ITGB6: variants seen among roughly 807,000 people sequenced by gnomAD.
ITGB6 encodes integrin subunit beta 6, also known as integrin beta-6.
ITGB6 carries 80 observed loss-of-function variants against 84.5 expected under a neutral mutation model. The observed-to-expected ratio is 0.95, with a 90% CI of 0.79 to 1.14. ITGB6 has a LOEUF of 1.14. Among genes scored for constraint, ITGB6 ranks in the 50% most tolerant of loss-of-function variants. The probability of loss-of-function intolerance (pLI) is 0.00; values close to 1 mark genes in which losing one functional copy is unlikely to be tolerated. For synonymous variants in ITGB6, 383 were observed against 354.9 expected (o/e 1.08, Z -0.89); for missense variants, 1,006 against 968.0 (o/e 1.04, Z -0.52).
chr2:160,190,587 T>C (rs542919781), intron 4 of ITGB6, among the ~76,000 whole-genome samples: 1 of 152,334 alleles, frequency 6.6e-6, no homozygotes, highest in South Asian at 2.1e-4. Flanking sequence ...GGTCTTTTTC[T>C]TCCAAATATA....
At chr2:160,115,198 C>A (rs1682711678) in intron 12 of ITGB6, among the ~76,000 whole-genome samples, 1 of 152,242 alleles carries the variant, frequency 6.6e-6, no homozygotes, top group Non-Finnish European at 1.5e-5. Flanking sequence ...AGACTGCCTC[C>A]TCAAGTGGGT....
Position 160,200,014 on chromosome 2 carries a change from T to G in ITGB6, c.50A>C (p.Asp17Ala). ...AACGCAGGTCTTACCTTGTACGTGA[T>G]CATTCCTTCCTAGAAATAGAAAGAA... is the stretch of plus-strand genomic sequence containing the variant. ...CLFFLFLGRN[D>A]HVQGGCALGG... Residue 17 changes from aspartate (D) to alanine (A), a missense_variant, in exon 1 of 15, where the codon GAT becomes GCT. Physicochemically the swap from Asp to Ala is moderately radical, Grantham distance 126 (BLOSUM62 -2). Coordinates refer to ENST00000283249, the MANE Select transcript of ITGB6 (RefSeq NM_000888.5). 4 of 1,613,598 alleles carry G rather than the reference T, an allele frequency of 2.5e-6. No individual in the cohort carries two copies. The highest frequency in any genetic ancestry group is 3.4e-6 in the Non-Finnish European group (4 of 1,179,572).
Position 160,112,081 on chromosome 2 carries a change from T to A in ITGB6, c.2100A>T (p.Lys700Asn). The A allele has an allele frequency of 6.2e-7, 1 of 1,611,020 alleles. No individual in the cohort carries two copies. The highest frequency in any genetic ancestry group is 1.1e-5 in the South Asian group (1 of 90,376). The change falls in exon 13 of 15, where the codon AAA (lysine) becomes AAT (asparagine). Residue 700 changes from lysine (K) to asparagine (N), a missense_variant and splice_region_variant. By Grantham distance (94) the Lys-to-Asn change is moderately conservative. Coordinates refer to ENST00000283249, the MANE Select transcript of ITGB6 (RefSeq NM_000888.5). ...GKTIIHSINEKDCPKPPNIPM... is the reference protein window; with the variant it reads ...GKTIIHSINENDCPKPPNIPM... ...GGCAATGGAAGGCAAAACACCCACC[T>A]TTTTCATTGATGCTGTGAATGATGG...
At chr2:160,117,821 G>A (rs1312985572) in intron 12 of ITGB6, among the ~76,000 whole-genome samples, 1 of 152,224 alleles carries the variant, frequency 6.6e-6, no homozygotes, top group East Asian at 1.9e-4. Flanking sequence ...AATAAAACAT[G>A]ATAAAGGGGC....
intron 7 of ITGB6, among the ~76,000 whole-genome samples, chr2:160,145,736 G>C (rs1239612455): frequency 6.6e-6 from 1 of 152,076 alleles, no homozygotes; most frequent in East Asian, 1.9e-4. Flanking sequence ...ACTGCTGCCT[G>C]GTTAACTGTG....
At chr2:160,184,343 A>G (rs2925752) in intron 4 of ITGB6, among the ~76,000 whole-genome samples, 118,981 of 152,140 alleles carry the variant, frequency 0.78, 46,809 homozygotes, top group South Asian at 0.87. Flanking sequence ...AGTGAATACT[A>G]TAAACACCTC....
rs1329447904 is a variant in ITGB6, at chr2:160,179,444, G to A, written c.594-5305C>T. ...CACTCTGTCGCCCAGGCTGGAATGC[G>A]GTGGTGCCATCTCAGCTCACTGCAA... On this transcript the variant is annotated intron_variant, in intron 4 of 14. Transcript: ENST00000283249. Among the ~76,000 whole-genome samples the A allele has an allele frequency of 9.0e-5, 13 of 143,758 alleles. No individual in the cohort carries two copies. The East Asian group carries it at 1.6e-3, about 18-fold the overall frequency. The allele number at this position is 143,758 out of a possible 152,430, so 94.3% of individuals were successfully genotyped here. A position where few individuals can be genotyped will look rare whatever the true frequency, so the allele number is the denominator to read the frequency against.
chr2:160,197,402 T>C (rs754832612), intron 2 of ITGB6, among the ~76,000 whole-genome samples: 10 of 152,192 alleles, frequency 6.6e-5, no homozygotes, highest in Non-Finnish European at 1.3e-4. Flanking sequence ...GCCGTTCAAA[T>C]TCTGAAACAC....
At chr2:160,145,753 C>A (rs1479654990) in intron 7 of ITGB6, among the ~76,000 whole-genome samples, 1 of 152,138 alleles carries the variant, frequency 6.6e-6, no homozygotes, top group Non-Finnish European at 1.5e-5. Context: ...TGTGGACAGG[C>A]TGTTGGTTGG....
chr2:160,137,721 T>G lies in ITGB6; in HGVS notation c.1373A>C (p.Lys458Thr). The G allele has an allele frequency of 6.2e-7, 1 of 1,614,212 alleles. No individual in the cohort carries two copies. The highest frequency in any genetic ancestry group is 8.5e-7 in the Non-Finnish European group (1 of 1,180,032). The change falls in exon 10 of 15, where the codon AAA becomes ACA. Residue 458 changes from lysine to threonine, a missense_variant. Transcript: ENST00000283249. ...TTTGGAGCTGTTCACTTCCACTTCT[T>G]TCTGACAGTCGCAGTTGCATTCTGG... ...VSPECNCDCQKEVEVNSSKCH... is the reference protein window; with the variant it reads ...VSPECNCDCQTEVEVNSSKCH...
At chr2:160,175,901 T>C (rs1685401607) in intron 4 of ITGB6, among the ~76,000 whole-genome samples, 1 of 152,194 alleles carries the variant, frequency 6.6e-6, no homozygotes, top group Non-Finnish European at 1.5e-5. Flanking sequence ...TTGGGGCAAG[T>C]TTGCAGAACA....
intron 12 of ITGB6, 52 bp downstream of exon 12, chr2:160,123,739 G>C (rs374781324): frequency 7.4e-6 from 10 of 1,351,158 alleles, no homozygotes; most frequent in Middle Eastern, 1.8e-4. Context: ...CAAGAACTAC[G>C]CCTCTCAAGA....
intron 12 of ITGB6, among the ~76,000 whole-genome samples, chr2:160,121,900 T>A (rs960255532): frequency 2.0e-5 from 3 of 151,320 alleles, no homozygotes; most frequent in Admixed American, 6.6e-5. Flanking sequence ...TTTTTTTTTT[T>A]ACTCCTGGGG....
intron 4 of ITGB6, among the ~76,000 whole-genome samples, chr2:160,189,080 C>G (rs1165943133): frequency 6.6e-6 from 1 of 152,040 alleles, no homozygotes; most frequent in Admixed American, 6.6e-5. Context: ...TTTGACAAAC[C>G]TGACAAAAAT....
intron 13 of ITGB6, among the ~76,000 whole-genome samples, chr2:160,108,993 AAAT>A (rs1464623137): frequency 6.6e-6 from 1 of 152,238 alleles, no homozygotes; most frequent in East Asian, 1.9e-4. Flanking sequence ...TCTCTGCAAG[AAAT>A]GAGGCAAAAT....
chr2:160,192,698 G>A lies in ITGB6; in HGVS notation c.593+2671C>T, dbSNP rs559368369. Among the ~76,000 whole-genome samples the A allele has an allele frequency of 4.6e-5, 7 of 151,890 alleles. No homozygotes were observed. In the South Asian group the frequency reaches 1.5e-3, roughly 32 times the overall value. On this transcript the variant is annotated intron_variant, in intron 4 of 14. Transcript: ENST00000283249. ...AAAACACAAGCTATAAACTGGGAGA[G>A]AATATTTTTGACTAAAATATCTATT...
intron 8 of ITGB6, among the ~76,000 whole-genome samples, chr2:160,138,590 T>C (rs1683865970): frequency 6.6e-6 from 1 of 152,208 alleles, no homozygotes; most frequent in African/African-American, 2.4e-5. Flanking sequence ...GGCAATTCTT[T>C]TGCTTATATC....
intron 7 of ITGB6, among the ~76,000 whole-genome samples, chr2:160,158,584 T>C (rs901873735): frequency 6.6e-5 from 10 of 152,202 alleles, no homozygotes; most frequent in Non-Finnish European, 1.5e-4. Context: ...AAAGCTCTTT[T>C]AAAATAGGAA....
chr2:160,169,868 C>A (rs532987072), intron 6 of ITGB6, among the ~76,000 whole-genome samples: 1 of 152,152 alleles, frequency 6.6e-6, no homozygotes, highest in Non-Finnish European at 1.5e-5. Flanking sequence ...TGCATGGAAT[C>A]GTGCAATATT....
Sources: allele counts gnomAD v4.1 joint callset (sites outside exome capture counted in the v4.1 genomes callset), GRCh38; gene constraint gnomAD v4.1.1; transcripts MANE v1.5; gene names NCBI Gene and HGNC (gene_info 2026-07-23, HGNC 2026-07-21).